TAOK1: variants seen among roughly 807,000 people sequenced by gnomAD.
The protein encoded by TAOK1 is serine/threonine-protein kinase TAO1.
A neutral mutation model predicts 138.3 loss-of-function variants in TAOK1; 21 were observed. That is an observed-to-expected ratio of 0.15 (90% CI 0.11 to 0.22). The LOEUF (loss-of-function observed/expected upper bound fraction) is 0.22, where lower values mean the gene tolerates loss of function less well. Among genes scored for constraint, TAOK1 ranks in the 10% least tolerant of loss-of-function variants. TAOK1 has a pLI of 1.00. For missense variants in TAOK1, 651 were observed against 1,227.7 expected, an observed-to-expected ratio of 0.53 and a Z score of 7.02; for synonymous variants, 361 against 398.4, an observed-to-expected ratio of 0.91 and a Z score of 1.12.
At chr17:29,497,714 C>CAAAAAAAAAAAAAA (rs373537264) in intron 11 of TAOK1, among the ~76,000 whole-genome samples, 5 of 100,640 alleles carry the variant, frequency 5.0e-5, no homozygotes, top group African/African-American at 1.1e-4. Context: ...TATTGAAATA[C>CAAAAAAAAAAAAAA]AAAAAAAAAA....
At chr17:29,401,260 T>G (rs141743727) in intron 1 of TAOK1, among the ~76,000 whole-genome samples, 1 of 152,132 alleles carries the variant, frequency 6.6e-6, no homozygotes, top group African/African-American at 2.4e-5. Flanking sequence ...TACACTGTTA[T>G]AAAGACATAC....
chr17:29,454,572 T>G (rs867520137), intron 2 of TAOK1, among the ~76,000 whole-genome samples: 7 of 152,214 alleles, frequency 4.6e-5, no homozygotes, highest in Non-Finnish European at 7.3e-5. Context: ...ATATTAAGTC[T>G]TCTGATCCAT....
rs2032496760 is a variant in TAOK1, at chr17:29,551,588, CCTCT to C, written c.*8569_*8572del. ...GGTTGCATTGGGGAAGAAGCCTCTC[CCTCT>C]CTGTCAGCACCAGCTGGTAAAGGTG... On this transcript the variant is annotated 3_prime_UTR_variant, in exon 20 of 20. Transcript: ENST00000261716. The C allele has an allele frequency of 6.6e-6, 1 of 152,606 alleles. No homozygotes were observed. Among genetic ancestry groups the C allele is most frequent in the Admixed American group, 6.5e-5 (1 of 15,272 alleles). 9.5% of individuals were successfully genotyped at this position (152,606 alleles called of 1,614,324 possible).
chr17:29,458,546 G>A (rs1023326588), intron 2 of TAOK1, among the ~76,000 whole-genome samples: 9 of 152,182 alleles, frequency 5.9e-5, no homozygotes, highest in Non-Finnish European at 1.2e-4. Flanking sequence ...TACCCAGGCT[G>A]GAGTGCAATG....
Position 29,507,944 on chromosome 17 carries a change from C to T in TAOK1, c.1387C>T (p.Gln463Ter). The change falls in exon 14 of 20, where the codon CAA (glutamine) becomes TAA (stop). Residue 463 changes from glutamine to a stop codon, truncating the protein, a stop_gained. Transcript: ENST00000261716. LOFTEE classifies it high-confidence loss of function. ...EHEQDSELRE[Q>*]MSGYKRMRRQ... ...TGAGCAGGACTCTGAGCTTAGAGAA[C>T]AAATGTCTGGCTATAAGCGAATGAG... The T allele has an allele frequency of 6.2e-7, 1 of 1,614,060 alleles. No homozygotes were observed. The highest frequency in any genetic ancestry group is 8.5e-7 in the Non-Finnish European group (1 of 1,179,994).
rs1161605165 is a variant in TAOK1 at position 29,544,572 on chromosome 17, TTGTTA to T, written c.*1555_*1559del. 2.0e-5 allele frequency: 3 copies of T among 152,172 alleles called. No homozygotes were observed. Among genetic ancestry groups the T allele is most frequent in the Non-Finnish European group, 2.9e-5 (2 of 68,032 alleles). 9.4% of individuals were successfully genotyped at this position (152,172 alleles called of 1,614,324 possible). On this transcript the variant is annotated 3_prime_UTR_variant, in exon 20 of 20. Coordinates refer to ENST00000261716, the MANE Select transcript of TAOK1 (RefSeq NM_020791.4). The stretch of plus-strand genomic sequence containing the variant: ...TTTTTCAGGGGGCACATGTTTTGTT[TTGTTA>T]TGTTTTGTTGTACAATGAAGGATGA...
At chr17:29,414,191 G>C (rs12450094) in intron 1 of TAOK1, among the ~76,000 whole-genome samples, 24,098 of 149,102 alleles carry the variant, frequency 0.16, 2,044 homozygotes, top group Admixed American at 0.21. Flanking sequence ...CCTGTTTCTA[G>C]CTTCTTTTAC....
At chr17:29,402,401 C>T (rs1340309204) in intron 1 of TAOK1, among the ~76,000 whole-genome samples, 1 of 152,158 alleles carries the variant, frequency 6.6e-6, no homozygotes. Context: ...TTCCCGGGCT[C>T]AGGTGATCCT....
At chr17:29,433,884 T>C (rs1448904748) in intron 1 of TAOK1, among the ~76,000 whole-genome samples, 5 of 151,166 alleles carry the variant, frequency 3.3e-5, no homozygotes, top group African/African-American at 1.2e-4. Context: ...TGCTTCCTGC[T>C]GACAGGGGCC....
intron 3 of TAOK1, among the ~76,000 whole-genome samples, chr17:29,472,249 G>A (rs996082390): frequency 3.0e-5 from 4 of 133,820 alleles, no homozygotes; most frequent in African/African-American, 8.5e-5. Context: ...AGCTATAGCC[G>A]TTGTGTGTTT....
At chr17:29,476,872 GTC>G (rs35130627) in intron 4 of TAOK1, among the ~76,000 whole-genome samples, 24,209 of 151,804 alleles carry the variant, frequency 0.16, 2,042 homozygotes, top group Admixed American at 0.21. Flanking sequence ...TTGAGACAGA[GTC>G]TCACTCTGTC....
intron 1 of TAOK1, among the ~76,000 whole-genome samples, chr17:29,396,150 A>G (rs1904594026): frequency 1.3e-5 from 2 of 152,118 alleles, no homozygotes; most frequent in Admixed American, 1.3e-4. Flanking sequence ...AAAAATCTAC[A>G]TGAATTAAAA....
At chr17:29,431,920 C>T (rs56653372) in intron 1 of TAOK1, among the ~76,000 whole-genome samples, 1,900 of 151,514 alleles carry the variant, frequency 0.013, 41 homozygotes, top group African/African-American at 0.042. Flanking sequence ...GATTCTCCTA[C>T]CTCAGCCTCC....
At chr17:29,429,340 A>T (rs1268143213) in intron 1 of TAOK1, among the ~76,000 whole-genome samples, 1 of 150,992 alleles carries the variant, frequency 6.6e-6, no homozygotes, top group African/African-American at 2.4e-5. Flanking sequence ...TGTCCCCCAC[A>T]CTGGGGGACA....
intron 2 of TAOK1, among the ~76,000 whole-genome samples, chr17:29,464,950 A>G (rs2030623372): frequency 6.7e-6 from 1 of 149,998 alleles, no homozygotes; most frequent in East Asian, 2.0e-4. Context: ...CCTCCCGAGT[A>G]GCTGGGACGA....
intron 4 of TAOK1, among the ~76,000 whole-genome samples, chr17:29,477,068 A>G (rs1237800439): frequency 1.3e-5 from 2 of 152,060 alleles, no homozygotes; most frequent in East Asian, 1.9e-4. Flanking sequence ...GATGGTCTCA[A>G]TCTCCTAACC....
Position 29,545,460 on chromosome 17 carries a change from A to T in TAOK1, c.*2438A>T, listed in dbSNP as rs2032388005. The T allele has an allele frequency of 6.6e-6, 1 of 152,212 alleles. No homozygotes were observed. Among genetic ancestry groups the T allele is most frequent in the Non-Finnish European group, 1.5e-5 (1 of 68,032 alleles). 9.4% of individuals were successfully genotyped at this position (152,212 alleles called of 1,614,324 possible). ...TTATTGGTGGTACATTTTAAAGTCC[A>T]ATTGTGGACTTAAATTAGTCAAATT... is the stretch of plus-strand genomic sequence containing the variant. On this transcript the variant is annotated 3_prime_UTR_variant, in exon 20 of 20. Transcript: ENST00000261716.
chr17:29,431,217 G>A (rs1203431483), intron 1 of TAOK1, among the ~76,000 whole-genome samples: 2 of 152,144 alleles, frequency 1.3e-5, no homozygotes, highest in Non-Finnish European at 2.9e-5. Flanking sequence ...ACTTAGGTGA[G>A]AGTGCTTGCG....
At chr17:29,403,160 CAAAAAAAA>C (rs34253777) in intron 1 of TAOK1, among the ~76,000 whole-genome samples, 4 of 60,072 alleles carry the variant, frequency 6.7e-5, no homozygotes, top group East Asian at 5.4e-4. Flanking sequence ...GATTTTGTCT[CAAAAAAAA>C]AAAAAAAAAA....
Sources: allele counts gnomAD v4.1 joint callset (sites outside exome capture counted in the v4.1 genomes callset), GRCh38; gene constraint gnomAD v4.1.1; transcripts MANE v1.5; gene names NCBI Gene and HGNC (gene_info 2026-07-23, HGNC 2026-07-21).